The following BMERB1 variants were observed in gnomAD, a reference collection of about 807,000 sequenced individuals.
The protein encoded by BMERB1 is bMERB domain-containing protein 1.
In BMERB1, 12 loss-of-function variants were observed where a neutral mutation model predicts 23.6. The observed-to-expected ratio is 0.51, with a 90% CI of 0.33 to 0.82. BMERB1 has a LOEUF of 0.82. Ranked by LOEUF, BMERB1 falls within the 40% of genes least tolerant of loss-of-function variation. The pLI, the probability that BMERB1 is intolerant of heterozygous loss-of-function variation, is 0.03. For missense variants in BMERB1, 247 were observed against 255.4 expected, an observed-to-expected ratio of 0.97 and a Z score of 0.22; for synonymous variants, 122 against 96.6, an observed-to-expected ratio of 1.26 and a Z score of -1.54.
intron 3 of BMERB1, chr16:15,576,991 T>C (rs1488906846): frequency 6.6e-6 from 1 of 152,154 alleles, no homozygotes; most frequent in Non-Finnish European, 1.5e-5. Context: ...GGTGTCTGAT[T>C]TACATAGGGC....
chr16:15,549,383 T>C (rs532674972), intron 2 of BMERB1, among the ~76,000 whole-genome samples: 123 of 150,104 alleles, frequency 8.2e-4, no homozygotes, highest in African/African-American at 3.0e-3. Flanking sequence ...GTGATTGCTT[T>C]AAAATTCTTA....
chr16:15,440,458 G>A (rs1176404826), intron 1 of BMERB1, among the ~76,000 whole-genome samples: 1 of 152,024 alleles, frequency 6.6e-6, no homozygotes, highest in Non-Finnish European at 1.5e-5. Context: ...AAACAGTGTG[G>A]AGGCTGAAAT....
At chr16:15,582,843 C>CA (rs1371163833) in intron 4 of BMERB1, among the ~76,000 whole-genome samples, 1 of 152,120 alleles carries the variant, frequency 6.6e-6, no homozygotes. Flanking sequence ...AGGGTGGCTT[C>CA]AAAATACAAG....
chr16:15,500,101 T>A (rs1275878466), intron 1 of BMERB1, among the ~76,000 whole-genome samples: 2 of 152,218 alleles, frequency 1.3e-5, no homozygotes, highest in African/African-American at 2.4e-5. Flanking sequence ...CTGGTGCCTT[T>A]GCTCAGATGC....
At chr16:15,464,907 G>A (rs1345753243) in intron 1 of BMERB1, among the ~76,000 whole-genome samples, 1 of 152,040 alleles carries the variant, frequency 6.6e-6, no homozygotes, top group Non-Finnish European at 1.5e-5. Flanking sequence ...GACTTCCTGG[G>A]GTTGCAGCCA....
At chr16:15,506,175 T>C (rs750884704) in intron 1 of BMERB1, among the ~76,000 whole-genome samples, 5 of 151,754 alleles carry the variant, frequency 3.3e-5, no homozygotes, top group Non-Finnish European at 7.4e-5. Context: ...CTTTTGTTTT[T>C]CTTTTTTCTT....
At chr16:15,437,050 GA>G (rs1396641134) in intron 1 of BMERB1, among the ~76,000 whole-genome samples, 5 of 152,256 alleles carry the variant, frequency 3.3e-5, no homozygotes, top group Admixed American at 1.3e-4. Context: ...GCAGAACCAG[GA>G]TTTGAACCCC....
intron 4 of BMERB1, 101 bp downstream of exon 4, chr16:15,581,432 A>G: frequency 9.8e-6 from 9 of 918,654 alleles, no homozygotes; most frequent in African/African-American, 1.7e-5. Context: ...AGCCTTGCCT[A>G]ACAGGCATGG....
At chr16:15,500,659 T>A (rs1354581085) in intron 1 of BMERB1, among the ~76,000 whole-genome samples, 2 of 152,188 alleles carry the variant, frequency 1.3e-5, no homozygotes, top group East Asian at 3.9e-4. Flanking sequence ...GTTCTTCCTT[T>A]ATTTAGTTTT....
At chr16:15,438,498 G>C (rs1337335183) in intron 1 of BMERB1, among the ~76,000 whole-genome samples, 3 of 140,892 alleles carry the variant, frequency 2.1e-5, no homozygotes, top group Non-Finnish European at 3.1e-5. Context: ...GTCTTGCTCT[G>C]TCGCCCAGGC....
intron 3 of BMERB1, among the ~76,000 whole-genome samples, chr16:15,576,034 G>A (rs967319300): frequency 3.4e-5 from 5 of 145,960 alleles, no homozygotes; most frequent in African/African-American, 1.3e-4. Flanking sequence ...CTCAGCATTA[G>A]TAATTTTTTT....
At chr16:15,435,953 GTCTT>G (rs767168306) in intron 1 of BMERB1, among the ~76,000 whole-genome samples, 1 of 151,706 alleles carries the variant, frequency 6.6e-6, no homozygotes, top group South Asian at 2.1e-4. Context: ...TTTAACCTTG[GTCTT>G]TCTTTCTAGT....
At chr16:15,502,128 G>A (rs2051536279) in intron 1 of BMERB1, 1 of 664,042 alleles carries the variant, frequency 1.5e-6, no homozygotes, top group Non-Finnish European at 2.6e-6. Flanking sequence ...ATGTCTGCTT[G>A]ACGCCAATGC....
intron 1 of BMERB1, among the ~76,000 whole-genome samples, chr16:15,481,673 A>G (rs566298819): frequency 1.3e-5 from 2 of 152,130 alleles, no homozygotes; most frequent in East Asian, 3.9e-4. Context: ...CATTTTCTAT[A>G]ACAAGAATTA....
chr16:15,469,173 C>G (rs767375388), intron 1 of BMERB1, among the ~76,000 whole-genome samples: 1 of 151,858 alleles, frequency 6.6e-6, no homozygotes, highest in African/African-American at 2.4e-5. Context: ...ACCATGCTGG[C>G]CGGGCTGGTC....
intron 2 of BMERB1, among the ~76,000 whole-genome samples, chr16:15,516,926 G>T (rs913229064): frequency 4.6e-5 from 7 of 152,142 alleles, no homozygotes; most frequent in African/African-American, 1.7e-4. Flanking sequence ...GCTCACTGCA[G>T]CCTCGAACTC....
At chr16:15,505,408 C>T (rs1421634218) in intron 1 of BMERB1, among the ~76,000 whole-genome samples, 1 of 152,178 alleles carries the variant, frequency 6.6e-6, no homozygotes, top group Non-Finnish European at 1.5e-5. Context: ...GCTGATTCAC[C>T]TTGTTAAGAA....
intron 2 of BMERB1, among the ~76,000 whole-genome samples, chr16:15,541,792 T>G (rs2052084759): frequency 2.0e-5 from 3 of 151,000 alleles, no homozygotes. Context: ...TTGGTAGAGG[T>G]GGGGTTTCAC....
intron 1 of BMERB1, among the ~76,000 whole-genome samples, chr16:15,458,282 A>G (rs2051102256): frequency 6.6e-6 from 1 of 152,168 alleles, no homozygotes; most frequent in African/African-American, 2.4e-5. Flanking sequence ...GGGTCACTTC[A>G]TTCTTTTGAG....
Sources: gnomAD v4.1 joint callset for allele counts (sites outside exome capture counted in the v4.1 genomes callset) on GRCh38, gnomAD v4.1.1 for gene constraint, MANE v1.5 for transcripts, NCBI Gene and HGNC (gene_info 2026-07-23, HGNC 2026-07-21) for gene names.